MAD1L1: variants seen among roughly 807,000 people sequenced by gnomAD.
MAD1L1 encodes mitotic arrest deficient 1 like 1, also known as mitotic spindle assembly checkpoint protein MAD1.
A neutral mutation model predicts 96.9 loss-of-function variants in MAD1L1; 95 were observed. The observed-to-expected ratio is 0.98, with a 90% CI of 0.83 to 1.16. The LOEUF (loss-of-function observed/expected upper bound fraction) is 1.16. MAD1L1 is among the 50% of genes most tolerant of loss of function. The probability of loss-of-function intolerance (pLI) is 0.00; values close to 1 mark genes in which losing one functional copy is unlikely to be tolerated. For synonymous variants in MAD1L1, 473 were observed against 396.6 expected (o/e 1.19, Z -2.29); for missense variants, 1,007 against 954.4 (o/e 1.06, Z -0.73).
chr7:2,017,638 C>T (rs1206916851), intron 12 of MAD1L1, among the ~76,000 whole-genome samples: 1 of 152,210 alleles, frequency 6.6e-6, no homozygotes, highest in South Asian at 2.1e-4. Context: ...TCAGAGGGAA[C>T]AGCGTTGAGT....
intron 11 of MAD1L1, among the ~76,000 whole-genome samples, chr7:2,120,058 G>A (rs189585118): frequency 6.6e-6 from 1 of 152,198 alleles, no homozygotes; most frequent in Non-Finnish European, 1.5e-5. Context: ...TGGGGACCAG[G>A]TGGCACCTGC....
rs527947471 is a variant in MAD1L1, at chr7:1,897,572, C to T, written c.1998+628G>A. ...GAGGTCCAAGTGGGGCCACCTCCAC[C>T]CTGAGGGTCAACACATAACACCCCA... On this transcript the variant is annotated intron_variant, in intron 18 of 18. Coordinates refer to ENST00000265854, the MANE Select transcript of MAD1L1 (RefSeq NM_001013836.2). Among the ~76,000 whole-genome samples, 590 of 152,348 alleles carry T rather than the reference C, an allele frequency of 3.9e-3. 2 individuals carry two copies. The highest frequency in any genetic ancestry group is 0.014 in the African/African-American group (566 of 41,576).
At chr7:1,988,019 G>A (rs1267876280) in intron 14 of MAD1L1, among the ~76,000 whole-genome samples, 1 of 152,216 alleles carries the variant, frequency 6.6e-6, no homozygotes, top group East Asian at 1.9e-4. Flanking sequence ...CCGAGGACCT[G>A]TAGAACACCT....
intron 18 of MAD1L1, among the ~76,000 whole-genome samples, chr7:1,892,369 T>C (rs1487335563): frequency 6.6e-6 from 1 of 152,238 alleles, no homozygotes; most frequent in African/African-American, 2.4e-5. Context: ...GAGACCGTAC[T>C]AGACTTACAC....
At chr7:1,851,997 G>C (rs550591977) in intron 18 of MAD1L1, among the ~76,000 whole-genome samples, 1 of 152,204 alleles carries the variant, frequency 6.6e-6, no homozygotes, top group African/African-American at 2.4e-5. Context: ...CAGCGGCAAC[G>C]AGAGGGGCTG....
intron 12 of MAD1L1, among the ~76,000 whole-genome samples, chr7:2,063,369 G>C (rs1562651252): frequency 1.3e-5 from 2 of 152,202 alleles, no homozygotes; most frequent in Non-Finnish European, 2.9e-5. Flanking sequence ...CACCATCAGG[G>C]AAGATCAGGG....
chr7:2,060,258 CCGAGA>C (rs1784590381), intron 12 of MAD1L1, among the ~76,000 whole-genome samples: 3 of 143,652 alleles, frequency 2.1e-5, no homozygotes, highest in African/African-American at 7.6e-5. Flanking sequence ...TACGCCGATG[CCGAGA>C]TACGCCGATG....
rs1263049216 is a variant in MAD1L1 at position 1,888,218 on chromosome 7, G to GTGCA, written c.1998+9978_1998+9981dup. ...TGTATGTGGCTGCCTGTGCATGTGT[G>GTGCA]TGCATGCATGCATGTATGTGGCTGC... On this transcript the variant is annotated intron_variant, in intron 18 of 18. Coordinates refer to ENST00000265854, the MANE Select transcript of MAD1L1 (RefSeq NM_001013836.2). 2.0e-5 allele frequency among the ~76,000 whole-genome samples: 3 copies of GTGCA among 151,792 alleles called. No individual in the cohort carries two copies. The East Asian group carries it at 5.8e-4, about 30-fold the overall frequency.
chr7:1,942,668 C>T (rs1779055117), intron 16 of MAD1L1, among the ~76,000 whole-genome samples: 1 of 152,120 alleles, frequency 6.6e-6, no homozygotes, highest in African/African-American at 2.4e-5. Flanking sequence ...GGAAACATCC[C>T]ATGTCTCGGA....
rs561793595 is a variant in MAD1L1 at position 2,213,816 on chromosome 7, CCT to C, written c.925-545_925-544del. 3.6e-4 allele frequency among the ~76,000 whole-genome samples: 55 copies of C among 152,340 alleles called. 1 individual carries two copies. In the East Asian group the frequency reaches 0.01, roughly 28 times the overall value. On this transcript the variant is annotated intron_variant, in intron 9 of 18. Coordinates refer to ENST00000265854, the MANE Select transcript of MAD1L1 (RefSeq NM_001013836.2). ...GACACTGCCTACAGGCCAGCCCACC[CCT>C]CTGTGTCACATGCCTGTCCCATGCT...
chr7:1,986,583 C>T (rs1236401746), intron 14 of MAD1L1, among the ~76,000 whole-genome samples: 1 of 152,176 alleles, frequency 6.6e-6, no homozygotes, highest in African/African-American at 2.4e-5. Flanking sequence ...TGCCTCCACC[C>T]GCACTGCTCC....
chr7:1,935,541 G>T (rs1562538470), intron 17 of MAD1L1, among the ~76,000 whole-genome samples: 4 of 152,198 alleles, frequency 2.6e-5, no homozygotes. Context: ...GGCACAAGAG[G>T]GAGGGAAGAC....
At chr7:2,150,291 C>T (rs768813889) in intron 10 of MAD1L1, among the ~76,000 whole-genome samples, 17 of 152,100 alleles carry the variant, frequency 1.1e-4, no homozygotes, top group Non-Finnish European at 1.9e-4. Context: ...GAGTCAGCCA[C>T]GGCCACGGAG....
intron 10 of MAD1L1, among the ~76,000 whole-genome samples, chr7:2,185,271 T>C (rs1240639819): frequency 6.6e-6 from 1 of 152,162 alleles, no homozygotes; most frequent in South Asian, 2.1e-4. Context: ...CACAGTACAA[T>C]TCCATTTATT....
chr7:2,062,862 C>G (rs1264196689), intron 12 of MAD1L1, among the ~76,000 whole-genome samples: 4 of 152,028 alleles, frequency 2.6e-5, no homozygotes, highest in Non-Finnish European at 5.9e-5. Context: ...TCCCTGCACA[C>G]AGCATCACAA....
intron 10 of MAD1L1, among the ~76,000 whole-genome samples, chr7:2,174,020 C>T (rs545498575): frequency 7.2e-5 from 11 of 152,212 alleles, no homozygotes; most frequent in African/African-American, 2.6e-4. Context: ...CTCTCCTATA[C>T]CATTACCCAT....
intron 18 of MAD1L1, among the ~76,000 whole-genome samples, chr7:1,821,092 AAG>A (rs201970463): frequency 0.55 from 72,651 of 131,986 alleles, 20,250 homozygotes; most frequent in Middle Eastern, 0.66. Flanking sequence ...AAAAAAAAAA[AAG>A]GGGGGGGGGA....
intron 16 of MAD1L1, among the ~76,000 whole-genome samples, chr7:1,940,720 G>C (rs183915848): frequency 4.3e-4 from 66 of 152,316 alleles, no homozygotes; most frequent in Middle Eastern, 3.4e-3. Context: ...ACGGAGCTGC[G>C]GGCACGGAAA....
At chr7:1,896,964 G>T (rs141205663) in intron 18 of MAD1L1, among the ~76,000 whole-genome samples, 1 of 152,234 alleles carries the variant, frequency 6.6e-6, no homozygotes, top group East Asian at 1.9e-4. Context: ...AAGCGAAGAA[G>T]TACATTTCTG....
Sources: gnomAD v4.1 joint callset for allele counts (sites outside exome capture counted in the v4.1 genomes callset) on GRCh38, gnomAD v4.1.1 for gene constraint, MANE v1.5 for transcripts, NCBI Gene and HGNC (gene_info 2026-07-23, HGNC 2026-07-21) for gene names.